Variants in BICD1 observed in about 807,000 individuals in gnomAD.
The protein encoded by BICD1 is BICD cargo adaptor 1, also known as protein bicaudal D homolog 1.
In BICD1, 35 loss-of-function variants were observed where a neutral mutation model predicts 92.5. The observed-to-expected ratio is 0.38, with a 90% CI of 0.29 to 0.50. The LOEUF is 0.50. Among genes scored for constraint, BICD1 ranks in the 20% least tolerant of loss-of-function variants. BICD1 has a pLI of 0.93. For missense variants in BICD1, 950 were observed against 1,189.8 expected (o/e 0.80, Z 2.97); for synonymous variants, 429 against 465.1 (o/e 0.92, Z 1.00).
chr12:32,165,682 C>CAAA (rs35023796), intron 1 of BICD1, among the ~76,000 whole-genome samples: 14 of 128,112 alleles, frequency 1.1e-4, no homozygotes, highest in South Asian at 2.5e-4. Context: ...GACTCTGTCT[C>CAAA]AAAAAAAAAA....
At chr12:32,201,521 A>C (rs931572612) in intron 1 of BICD1, among the ~76,000 whole-genome samples, 3 of 152,066 alleles carry the variant, frequency 2.0e-5, no homozygotes, top group African/African-American at 7.3e-5. Flanking sequence ...TAGGGGGGAA[A>C]TTATTTTTTC....
chr12:32,272,140 T>C (rs894580359), intron 2 of BICD1, among the ~76,000 whole-genome samples: 1 of 152,254 alleles, frequency 6.6e-6, no homozygotes, highest in African/African-American at 2.4e-5. Flanking sequence ...ATTTCTTTTA[T>C]GACTGAGAAA....
At position 32,107,313 on chromosome 12, in the gene BICD1, G is replaced by T; in HGVS notation, c.-19G>T. 6.3e-7 allele frequency: 1 copy of T among 1,578,468 alleles called. No individual in the cohort carries two copies. The highest frequency in any genetic ancestry group is 1.2e-5 in the South Asian group (1 of 86,398). On this transcript the variant is annotated 5_prime_UTR_variant, in exon 1 of 10. Transcript: ENST00000652176. The stretch of plus-strand genomic sequence containing the variant: ...CTCCCCCACCCCGTAACCCCCTCCT[G>T]CCTCCATCCACCGGGGCTATGGCCG...
intron 8 of BICD1, among the ~76,000 whole-genome samples, chr12:32,364,647 G>GAAA (rs2136326675): frequency 6.6e-6 from 1 of 152,300 alleles, no homozygotes; most frequent in African/African-American, 2.4e-5. Context: ...AATAATAAAT[G>GAAA]AAAAATAATC....
intron 2 of BICD1, among the ~76,000 whole-genome samples, chr12:32,245,243 G>GTTTTTT (rs201510925): frequency 6.4e-4 from 77 of 119,906 alleles, no homozygotes; most frequent in East Asian, 1.8e-3. Flanking sequence ...GCTTAGTTTT[G>GTTTTTT]TTTTTTGTTT....
At chr12:32,169,692 G>A (rs1182116984) in intron 1 of BICD1, among the ~76,000 whole-genome samples, 4 of 152,084 alleles carry the variant, frequency 2.6e-5, no homozygotes, top group East Asian at 1.9e-4. Context: ...ATTATCCTTT[G>A]ATAACCTAGG....
chr12:32,154,266 C>G (rs1943374111), intron 1 of BICD1, among the ~76,000 whole-genome samples: 1 of 152,068 alleles, frequency 6.6e-6, no homozygotes, highest in Non-Finnish European at 1.5e-5. Context: ...TCCGTAGACT[C>G]TCTGGAGTGA....
chr12:32,125,973 C>T (rs1942316270), intron 1 of BICD1, among the ~76,000 whole-genome samples: 1 of 148,090 alleles, frequency 6.8e-6, no homozygotes, highest in Admixed American at 6.9e-5. Context: ...CGCTTGAGCC[C>T]AGGAGGTGGA....
intron 2 of BICD1, among the ~76,000 whole-genome samples, chr12:32,282,487 G>T (rs1947445045): frequency 1.3e-5 from 2 of 152,108 alleles, no homozygotes; most frequent in Admixed American, 1.3e-4. Flanking sequence ...GGAGCAAAGT[G>T]GATGAGTGGG....
chr12:32,201,939 G>A (rs771432186), intron 1 of BICD1, among the ~76,000 whole-genome samples: 6 of 152,138 alleles, frequency 3.9e-5, no homozygotes, highest in East Asian at 1.9e-4. Flanking sequence ...TATACTTTCC[G>A]TATGCTGATT....
chr12:32,360,321 A>C (rs986664890), intron 8 of BICD1, among the ~76,000 whole-genome samples: 30 of 152,244 alleles, frequency 2.0e-4, no homozygotes, highest in African/African-American at 6.8e-4. Flanking sequence ...GAGGTGCCTA[A>C]GGAGAAAGAG....
At chr12:32,126,909 C>T (rs1005634615) in intron 1 of BICD1, among the ~76,000 whole-genome samples, 6 of 152,146 alleles carry the variant, frequency 3.9e-5, no homozygotes, top group Non-Finnish European at 7.4e-5. Flanking sequence ...CTTATGAGGT[C>T]GTGCCTCTTC....
At chr12:32,342,487 C>G (rs1388155263) in intron 8 of BICD1, among the ~76,000 whole-genome samples, 1 of 151,826 alleles carries the variant, frequency 6.6e-6, no homozygotes, top group Non-Finnish European at 1.5e-5. Context: ...ATCTCCTGAT[C>G]ATGATCCGCC....
intron 1 of BICD1, among the ~76,000 whole-genome samples, chr12:32,138,783 A>G (rs1942812273): frequency 6.6e-6 from 1 of 152,204 alleles, no homozygotes; most frequent in African/African-American, 2.4e-5. Context: ...ATATTTTTCA[A>G]ACTATGATGG....
intron 8 of BICD1, among the ~76,000 whole-genome samples, chr12:32,356,707 A>G (rs891794140): frequency 5.3e-5 from 8 of 152,114 alleles, no homozygotes; most frequent in Non-Finnish European, 1.0e-4. Flanking sequence ...ATGCAAGGAA[A>G]TTATTGTGAT....
intron 1 of BICD1, among the ~76,000 whole-genome samples, chr12:32,133,784 CTT>C (rs34183365): frequency 1.0e-4 from 14 of 140,066 alleles, no homozygotes; most frequent in Admixed American, 2.2e-4. Context: ...GATGCCAGTT[CTT>C]TTTTTTTTTT....
intron 1 of BICD1, among the ~76,000 whole-genome samples, chr12:32,190,784 G>A (rs1020829313): frequency 9.9e-5 from 15 of 152,168 alleles, no homozygotes; most frequent in Admixed American, 3.9e-4. Context: ...TCCAATAGCA[G>A]CAGAATACAC....
intron 2 of BICD1, among the ~76,000 whole-genome samples, chr12:32,275,228 GCTAA>G (rs1465018395): frequency 1.3e-5 from 2 of 152,124 alleles, no homozygotes; most frequent in African/African-American, 4.8e-5. Context: ...ATAAAATTAT[GCTAA>G]CTATGTTGGT....
At chr12:32,117,614 C>T (rs983079283) in intron 1 of BICD1, among the ~76,000 whole-genome samples, 42 of 151,098 alleles carry the variant, frequency 2.8e-4, no homozygotes, top group African/African-American at 9.7e-4. Context: ...CCTCCAGAAT[C>T]TTCTTTTTCA....
Sources: gnomAD v4.1 joint callset for allele counts (sites outside exome capture counted in the v4.1 genomes callset) on GRCh38, gnomAD v4.1.1 for gene constraint, MANE v1.5 for transcripts, NCBI Gene and HGNC (gene_info 2026-07-23, HGNC 2026-07-21) for gene names.